Variants in RBFOX1 observed in about 807,000 individuals in gnomAD.
RBFOX1 encodes the protein RNA binding protein fox-1 homolog 1.
In RBFOX1, 8 loss-of-function variants were observed where a neutral mutation model predicts 57.7. The ratio of observed to expected loss-of-function variants is 0.14; its 90% CI spans 0.08 to 0.25. The LOEUF (loss-of-function observed/expected upper bound fraction) is 0.25, where lower values mean the gene tolerates loss of function less well. Among genes scored for constraint, RBFOX1 ranks in the 10% least tolerant of loss-of-function variants. The probability of loss-of-function intolerance (pLI) is 1.00; values close to 1 mark genes in which losing one functional copy is unlikely to be tolerated. For missense variants in RBFOX1, 611 were observed against 548.5 expected (o/e 1.11, Z -1.14); for synonymous variants, 326 against 222.4 (o/e 1.47, Z -4.15).
chr16:7,356,186 A>T (rs1158269402), intron 4 of RBFOX1, among the ~76,000 whole-genome samples: 2 of 152,226 alleles, frequency 1.3e-5, no homozygotes, highest in African/African-American at 4.8e-5. Context: ...CATGCTAGGC[A>T]GAGTTCTAGG....
intron 4 of RBFOX1, among the ~76,000 whole-genome samples, chr16:5,917,869 C>A (rs190986484): frequency 2.6e-5 from 4 of 152,120 alleles, no homozygotes; most frequent in Admixed American, 2.0e-4. Context: ...CCCTGGTCCC[C>A]GTCAGGTTCC....
At chr16:5,757,635 G>C (rs556093936) in intron 3 of RBFOX1, among the ~76,000 whole-genome samples, 1 of 152,136 alleles carries the variant, frequency 6.6e-6, no homozygotes, top group African/African-American at 2.4e-5. Context: ...TGGTGTAGAC[G>C]TGACCCAGGA....
intron 3 of RBFOX1, among the ~76,000 whole-genome samples, chr16:6,994,947 G>T (rs965961448): frequency 7.7e-6 from 1 of 129,066 alleles, no homozygotes; most frequent in Non-Finnish European, 1.7e-5. Context: ...GCATTATTTT[G>T]TGTGTGTGTG....
intron 3 of RBFOX1, among the ~76,000 whole-genome samples, chr16:6,998,503 C>G (rs1037918537): frequency 3.3e-5 from 5 of 152,130 alleles, no homozygotes; most frequent in Non-Finnish European, 5.9e-5. Flanking sequence ...TTGGCAATGA[C>G]TTGGCCCTAC....
At position 7,119,532 on chromosome 16, in the gene RBFOX1, T is replaced by C. The variant is rs74008924; in HGVS notation, c.27+67434T>C. ...TATATTTAGGGCAATTCCCATCCTG[T>C]TTCACTTAGATATGTTTCACTACAT... On this transcript the variant is annotated intron_variant, in intron 4 of 15. Transcript: ENST00000550418. Among the ~76,000 whole-genome samples, 908 of 152,202 alleles carry C rather than the reference T, an allele frequency of 6.0e-3. 12 individuals are homozygous for C. The highest frequency in any genetic ancestry group is 0.021 in the African/African-American group (859 of 41,528).
intron 4 of RBFOX1, chr16:7,510,108 T>C (rs1312127796): frequency 2.0e-6 from 2 of 984,920 alleles, no homozygotes; most frequent in Admixed American, 6.2e-5. Context: ...TCTGGGTTGG[T>C]TTTGGGAGCA....
chr16:6,557,895 C>T (rs1370418768), intron 2 of RBFOX1, among the ~76,000 whole-genome samples: 1 of 152,120 alleles, frequency 6.6e-6, no homozygotes. Flanking sequence ...TTAAGTACTT[C>T]CCCAATGCTT....
intron 1 of RBFOX1, among the ~76,000 whole-genome samples, chr16:5,462,384 G>T (rs2068819172): frequency 6.6e-6 from 1 of 151,968 alleles, no homozygotes; most frequent in African/African-American, 2.4e-5. Context: ...TGGCCAGGCT[G>T]GTCTTGATCT....
At chr16:7,056,243 A>G (rs1004315854) in intron 4 of RBFOX1, among the ~76,000 whole-genome samples, 1 of 152,132 alleles carries the variant, frequency 6.6e-6, no homozygotes, top group African/African-American at 2.4e-5. Context: ...TCAGAGAACT[A>G]TTGGGATTAC....
chr16:6,776,612 G>A (rs1198125899), intron 3 of RBFOX1, among the ~76,000 whole-genome samples: 1 of 152,094 alleles, frequency 6.6e-6, no homozygotes, highest in Non-Finnish European at 1.5e-5. Context: ...TCTATGTGGG[G>A]AGAGTTTTCT....
chr16:5,897,156 C>T (rs2058187738), intron 4 of RBFOX1, among the ~76,000 whole-genome samples: 1 of 151,826 alleles, frequency 6.6e-6, no homozygotes, highest in Non-Finnish European at 1.5e-5. Flanking sequence ...CCGCCTCAGC[C>T]TCCCCAGTAG....
intron 4 of RBFOX1, among the ~76,000 whole-genome samples, chr16:7,097,568 A>G (rs1481896594): frequency 2.0e-5 from 3 of 152,336 alleles, no homozygotes; most frequent in Non-Finnish European, 2.9e-5. Flanking sequence ...GCACCTCTCC[A>G]TCTGCCTCAA....
At chr16:6,640,761 C>G (rs9930558) in intron 2 of RBFOX1, among the ~76,000 whole-genome samples, 2 of 152,060 alleles carry the variant, frequency 1.3e-5, no homozygotes, top group East Asian at 3.8e-4. Flanking sequence ...GATACAAGTT[C>G]CAGTTCTGGT....
chr16:5,650,373 G>C (rs539614913), intron 3 of RBFOX1, among the ~76,000 whole-genome samples: 1 of 151,862 alleles, frequency 6.6e-6, no homozygotes, highest in Admixed American at 6.6e-5. Flanking sequence ...AGGGAGCCCC[G>C]TCGAGGGCCT....
At chr16:7,510,971 G>T (rs2074927448) in intron 4 of RBFOX1, among the ~76,000 whole-genome samples, 1 of 152,172 alleles carries the variant, frequency 6.6e-6, no homozygotes, top group Non-Finnish European at 1.5e-5. Flanking sequence ...ATAAACTGGG[G>T]ACAAGTAAAT....
chr16:5,820,198 C>T (rs1156669605), intron 3 of RBFOX1, among the ~76,000 whole-genome samples: 1 of 152,194 alleles, frequency 6.6e-6, no homozygotes, highest in African/African-American at 2.4e-5. Context: ...AAAACACTTG[C>T]CCCTGGTCCA....
intron 4 of RBFOX1, among the ~76,000 whole-genome samples, chr16:5,876,354 C>G (rs560873900): frequency 3.2e-4 from 48 of 152,268 alleles, no homozygotes; most frequent in South Asian, 2.9e-3. Context: ...GATGAGCATA[C>G]TGAGGCTTAA....
chr16:6,943,854 C>G (rs898168696), intron 3 of RBFOX1, among the ~76,000 whole-genome samples: 1 of 152,084 alleles, frequency 6.6e-6, no homozygotes, highest in Non-Finnish European at 1.5e-5. Context: ...ACCATTCTAG[C>G]TTTTTCTGTA....
At chr16:5,309,976 A>G (rs959927815) in intron 1 of RBFOX1, among the ~76,000 whole-genome samples, 2 of 152,176 alleles carry the variant, frequency 1.3e-5, no homozygotes, top group African/African-American at 2.4e-5. Context: ...TCCTCTCTGT[A>G]CACTGTGAAC....
Sources: allele counts gnomAD v4.1 joint callset (sites outside exome capture counted in the v4.1 genomes callset), GRCh38; gene constraint gnomAD v4.1.1; transcripts MANE v1.5; gene names NCBI Gene and HGNC (gene_info 2026-07-23, HGNC 2026-07-21).